The following REEP1 variants were observed in gnomAD, a reference collection of about 807,000 sequenced individuals.
REEP1 encodes the protein receptor expression-enhancing protein 1.
A neutral mutation model predicts 40.3 loss-of-function variants in REEP1; 22 were observed. The ratio of observed to expected loss-of-function variants is 0.55; its 90% CI spans 0.39 to 0.78. The LOEUF is 0.78. Among genes scored for constraint, REEP1 ranks in the 30% least tolerant of loss-of-function variants. The pLI is 0.00. For synonymous variants in REEP1, 116 were observed against 139.2 expected, an observed-to-expected ratio of 0.83 and a Z score of 1.17; for missense variants, 280 against 361.1, an observed-to-expected ratio of 0.78 and a Z score of 1.82.
intron 1 of REEP1, chr2:86,297,736 C>T (rs1679053976): frequency 2.0e-6 from 2 of 985,078 alleles, no homozygotes; most frequent in Non-Finnish European, 2.4e-6. Context: ...ATCATAAAAG[C>T]AACCTACCTC....
At chr2:86,316,590 G>A (rs1461376214) in intron 1 of REEP1, among the ~76,000 whole-genome samples, 1 of 150,816 alleles carries the variant, frequency 6.6e-6, no homozygotes, top group African/African-American at 2.4e-5. Context: ...CAGGCGTGGT[G>A]GCTCATGCCT....
chr2:86,295,010 C>T (rs1333695363), intron 1 of REEP1, among the ~76,000 whole-genome samples: 3 of 152,140 alleles, frequency 2.0e-5, no homozygotes, highest in African/African-American at 7.2e-5. Flanking sequence ...TCCAGCATGG[C>T]ACCCTGATTA....
intron 3 of REEP1, among the ~76,000 whole-genome samples, chr2:86,256,313 A>C (rs1676559120): frequency 6.8e-6 from 1 of 146,118 alleles, no homozygotes. Context: ...GCGCCACTGC[A>C]CTCTAGCCTG....
chr2:86,227,527 T>C, intron 6 of REEP1, 129 bp from the exon 7 acceptor site: 1 of 724,720 alleles, frequency 1.4e-6, no homozygotes, highest in Non-Finnish European at 1.9e-6. Context: ...CCCAGGAAGG[T>C]GGGTCTCTGT....
intron 1 of REEP1, among the ~76,000 whole-genome samples, chr2:86,311,042 G>C (rs1448774924): frequency 6.6e-6 from 1 of 152,162 alleles, no homozygotes; most frequent in African/African-American, 2.4e-5. Flanking sequence ...ATACAGCTAA[G>C]GGAGGGAGGA....
chr2:86,220,695 GT>G (rs377107854), intron 7 of REEP1, among the ~76,000 whole-genome samples: 5 of 113,056 alleles, frequency 4.4e-5, no homozygotes, highest in Non-Finnish European at 6.3e-5. Flanking sequence ...AAGCTATATA[GT>G]TTTTTTGTTT....
At chr2:86,278,492 T>A (rs777097905) in intron 2 of REEP1, among the ~76,000 whole-genome samples, 4 of 152,176 alleles carry the variant, frequency 2.6e-5, no homozygotes, top group Non-Finnish European at 5.9e-5. Context: ...AGAATTCTTG[T>A]TGGAAGCTTG....
intron 1 of REEP1, among the ~76,000 whole-genome samples, chr2:86,309,781 A>T (rs1679673995): frequency 6.6e-6 from 1 of 152,162 alleles, no homozygotes; most frequent in Non-Finnish European, 1.5e-5. Flanking sequence ...ATCCCATCTA[A>T]ACTTAACTAT....
chr2:86,324,984 T>TAGTACA (rs1680437407), intron 1 of REEP1, among the ~76,000 whole-genome samples: 1 of 152,250 alleles, frequency 6.6e-6, no homozygotes, highest in Non-Finnish European at 1.5e-5. Context: ...TTCACTGTAC[T>TAGTACA]ATTATCCATT....
chr2:86,269,799 T>C (rs182496549), intron 2 of REEP1, among the ~76,000 whole-genome samples: 55 of 152,108 alleles, frequency 3.6e-4, no homozygotes, highest in African/African-American at 1.3e-3. Context: ...GGAGAAAATA[T>C]TTATAAAACA....
chr2:86,227,317 C>T (rs989288266), intron 7 of REEP1, 46 bp downstream of exon 7: 9 of 1,231,036 alleles, frequency 7.3e-6, no homozygotes, highest in African/African-American at 6.2e-5. Context: ...AAGCTCTTTC[C>T]GAGTGAGAGT....
At chr2:86,276,015 A>G (rs1331959869) in intron 2 of REEP1, among the ~76,000 whole-genome samples, 1 of 152,234 alleles carries the variant, frequency 6.6e-6, no homozygotes, top group Non-Finnish European at 1.5e-5. Flanking sequence ...CTAGTGACCA[A>G]GTGCATGAGA....
intron 2 of REEP1, among the ~76,000 whole-genome samples, chr2:86,271,309 A>T (rs1298315016): frequency 6.6e-6 from 1 of 151,758 alleles, no homozygotes; most frequent in Non-Finnish European, 1.5e-5. Flanking sequence ...AGTCATAGTA[A>T]AACTGCTTAA....
At chr2:86,329,809 C>G (rs1222330764) in intron 1 of REEP1, among the ~76,000 whole-genome samples, 1 of 152,154 alleles carries the variant, frequency 6.6e-6, no homozygotes, top group East Asian at 1.9e-4. Flanking sequence ...CGCTGGGCAC[C>G]TACTGCATAT....
intron 3 of REEP1, among the ~76,000 whole-genome samples, chr2:86,263,465 C>T (rs13000548): frequency 0.032 from 4,871 of 152,190 alleles, 125 homozygotes; most frequent in Non-Finnish European, 0.049. Context: ...TCTCAAAATC[C>T]TGACCTCAGG....
intron 4 of REEP1, among the ~76,000 whole-genome samples, chr2:86,253,373 C>T (rs1015285440): frequency 2.0e-5 from 3 of 151,886 alleles, no homozygotes; most frequent in Admixed American, 6.6e-5. Context: ...AAGTTCTGTG[C>T]ATTAGTGTAT....
At chr2:86,297,034 G>T (rs536446521) in intron 1 of REEP1, among the ~76,000 whole-genome samples, 58 of 152,270 alleles carry the variant, frequency 3.8e-4, no homozygotes, top group African/African-American at 1.4e-3. Context: ...CATGTGCCAC[G>T]TTGTGCACGT....
rs1440778889 is a variant in REEP1, at chr2:86,226,120, TCAC to T, written c.631+1240_631+1242del. The stretch of plus-strand genomic sequence containing the variant: ...ACCACCACCACCACCACCACCATCA[TCAC>T]CACCACCACCACCACCATCATCATC... On this transcript the variant is annotated intron_variant, in intron 7 of 8. Coordinates refer to ENST00000538924, the MANE Select transcript of REEP1 (RefSeq NM_001371279.1). 6.1e-3 allele frequency among the ~76,000 whole-genome samples: 252 copies of T among 41,200 alleles called. 4 individuals carry two copies. Among genetic ancestry groups the T allele is most frequent in the African/African-American group, 0.012 (242 of 20,872 alleles). The allele number at this position is 41,200 out of a possible 152,430, so 27.0% of individuals were successfully genotyped here.
At chr2:86,248,883 T>C (rs1676110988) in intron 5 of REEP1, among the ~76,000 whole-genome samples, 1 of 152,228 alleles carries the variant, frequency 6.6e-6, no homozygotes, top group African/African-American at 2.4e-5. Context: ...CGTGTCTTTT[T>C]TTCAGACAGT....
Sources: allele counts gnomAD v4.1 joint callset (sites outside exome capture counted in the v4.1 genomes callset), GRCh38; gene constraint gnomAD v4.1.1; transcripts MANE v1.5; gene names NCBI Gene and HGNC (gene_info 2026-07-23, HGNC 2026-07-21).